SCUBE2: variants seen among roughly 807,000 people sequenced by gnomAD.
SCUBE2 encodes the protein signal peptide, CUB domain and EGF like domain containing 2.
A neutral mutation model predicts 125.9 loss-of-function variants in SCUBE2; 114 were observed. That is an observed-to-expected ratio of 0.91 (90% CI 0.78 to 1.06). The LOEUF (loss-of-function observed/expected upper bound fraction) is 1.06, where lower values mean the gene tolerates loss of function less well. Among genes scored for constraint, SCUBE2 ranks in the 50% least tolerant of loss-of-function variants. The pLI is 0.00. For synonymous variants in SCUBE2, 459 were observed against 492.9 expected (o/e 0.93, Z 0.91); for missense variants, 1,255 against 1,301.8 (o/e 0.96, Z 0.55).
At chr11:9,023,358 T>C (rs1458814275) in intron 21 of SCUBE2, among the ~76,000 whole-genome samples, 1 of 152,184 alleles carries the variant, frequency 6.6e-6, no homozygotes, top group East Asian at 1.9e-4. Context: ...TCCATTAGTG[T>C]GGTGTCTTTC....
intron 20 of SCUBE2, chr11:9,026,063 A>G (rs1855726828): frequency 1.9e-6 from 1 of 518,940 alleles, no homozygotes; most frequent in Non-Finnish European, 3.4e-6. Context: ...CTACACCTGA[A>G]AGACCTGGGG....
Position 9,031,628 on chromosome 11 carries a change from T to TAA in SCUBE2, c.2174-705_2174-704dup, listed in dbSNP as rs199504434. Among the ~76,000 whole-genome samples, 3 of 140,964 alleles carry TAA rather than the reference T, an allele frequency of 2.1e-5. No homozygotes were observed. In the East Asian group the frequency reaches 6.1e-4, roughly 28 times the overall value. 92.5% of individuals were successfully genotyped at this position (140,964 alleles called of 152,430 possible). ...GGGTGATCCAGAAAGACCTTGTCTCTAAAAAAAAAAAAGAGTGACCCAAAG... is the reference window on the plus strand; with the variant it reads ...GGGTGATCCAGAAAGACCTTGTCTCTAAAAAAAAAAAAAAGAGTGACCCAAAG... On this transcript the variant is annotated intron_variant, in intron 17 of 22. Transcript: ENST00000649792.
intron 3 of SCUBE2, among the ~76,000 whole-genome samples, chr11:9,075,427 G>C (rs147696060): frequency 7.6e-4 from 115 of 152,302 alleles, no homozygotes; most frequent in African/African-American, 2.7e-3. Context: ...AGGTGGAAGA[G>C]AGCGTAAGCA....
At chr11:9,029,655 C>A (rs1349391753) in intron 19 of SCUBE2, among the ~76,000 whole-genome samples, 1 of 152,232 alleles carries the variant, frequency 6.6e-6, no homozygotes, top group Non-Finnish European at 1.5e-5. Flanking sequence ...GCAAGTACAG[C>A]TTGTAAGTGT....
intron 4 of SCUBE2, among the ~76,000 whole-genome samples, chr11:9,071,255 A>T (rs981701470): frequency 2.6e-5 from 4 of 152,254 alleles, no homozygotes; most frequent in African/African-American, 4.8e-5. Context: ...CACTCTGTTT[A>T]CAAGACTGTT....
chr11:9,023,439 T>C (rs920220015), intron 21 of SCUBE2, among the ~76,000 whole-genome samples: 1 of 152,212 alleles, frequency 6.6e-6, no homozygotes, highest in Non-Finnish European at 1.5e-5. Flanking sequence ...CGGCAGTATC[T>C]CTCCTCTTTT....
chr11:9,029,770 T>A (rs982215816), intron 19 of SCUBE2, 114 bp downstream of exon 19: 3 of 1,148,200 alleles, frequency 2.6e-6, no homozygotes, highest in Non-Finnish European at 3.9e-6. Flanking sequence ...GCTCATAACA[T>A]CTACATGGTT....
At chr11:9,051,192 A>G (rs1369844223) in intron 13 of SCUBE2, among the ~76,000 whole-genome samples, 1 of 131,596 alleles carries the variant, frequency 7.6e-6, no homozygotes, top group South Asian at 2.7e-4. Context: ...TTATCTATCT[A>G]TCTATCTATC....
chr11:9,085,989 C>T (rs914637177), intron 2 of SCUBE2, among the ~76,000 whole-genome samples: 4 of 152,028 alleles, frequency 2.6e-5, no homozygotes, highest in Non-Finnish European at 4.4e-5. Context: ...CGCACCACTA[C>T]ACCCAGCTAA....
chr11:9,046,644 C>T (rs547292910), intron 16 of SCUBE2, among the ~76,000 whole-genome samples: 4 of 152,130 alleles, frequency 2.6e-5, no homozygotes, highest in Admixed American at 6.5e-5. Context: ...TATTTTAGTA[C>T]GGAAACTGGA....
chr11:9,061,813 G>C (rs139817104), intron 7 of SCUBE2, among the ~76,000 whole-genome samples: 1 of 152,286 alleles, frequency 6.6e-6, no homozygotes, highest in African/African-American at 2.4e-5. Context: ...GTAGAAGAAA[G>C]CTAGATCCTA....
intron 10 of SCUBE2, 118 bp downstream of exon 10, chr11:9,055,675 G>T: frequency 1.3e-6 from 1 of 742,246 alleles, no homozygotes. Flanking sequence ...CTATTGCTCA[G>T]GGACTGCAAT....
intron 5 of SCUBE2, among the ~76,000 whole-genome samples, chr11:9,068,614 T>A (rs969738819): frequency 6.6e-6 from 1 of 152,166 alleles, no homozygotes; most frequent in African/African-American, 2.4e-5. Context: ...AGGCTTCTGA[T>A]AGCAGAGGAT....
rs765398063 is a variant in SCUBE2, at chr11:9,079,512, G to A, written c.257-3C>T. ...CTCATTTCCACATTCATCGATGTCT[G>A]AGGAATAAAACAGAAGTAAACCAGA... On this transcript the variant is annotated splice_region_variant and splice_polypyrimidine_tract_variant and intron_variant, in intron 2 of 22. Coordinates refer to ENST00000649792, the MANE Select transcript of SCUBE2 (RefSeq NM_001367977.2). 2 of 1,613,402 alleles carry A rather than the reference G, an allele frequency of 1.2e-6. No individual in the cohort carries two copies. The highest frequency in any genetic ancestry group is 3.3e-5 in the Admixed American group (2 of 59,978).
chr11:9,047,337 AATG>A lies in SCUBE2; in HGVS notation c.2002+16_2002+18del, dbSNP rs747788024. 1 of 1,613,456 alleles carries A rather than the reference AATG, an allele frequency of 6.2e-7. No individual in the cohort carries two copies. The highest frequency in any genetic ancestry group is 8.5e-7 in the Non-Finnish European group (1 of 1,179,428). ...AGCCCAAGGCTGTTCTGTTAGCAAGAATGTCCCAGGCCACTCACCACATTGGTT... is the reference window on the plus strand; with the variant it reads ...AGCCCAAGGCTGTTCTGTTAGCAAGATCCCAGGCCACTCACCACATTGGTT... On this transcript the variant is annotated intron_variant, in intron 16 of 22. Coordinates refer to ENST00000649792, the MANE Select transcript of SCUBE2 (RefSeq NM_001367977.2).
intron 3 of SCUBE2, among the ~76,000 whole-genome samples, chr11:9,075,070 G>T (rs969593972): frequency 1.3e-5 from 2 of 152,002 alleles, no homozygotes; most frequent in Non-Finnish European, 2.9e-5. Context: ...ACAAAAATCA[G>T]CTAGGCATGG....
chr11:9,068,309 T>A (rs1860452764), intron 5 of SCUBE2, among the ~76,000 whole-genome samples: 1 of 152,160 alleles, frequency 6.6e-6, no homozygotes. Flanking sequence ...GAATTGCCAG[T>A]GGTTTCCTGT....
chr11:9,074,861 ATCT>A (rs1206282346), intron 3 of SCUBE2, among the ~76,000 whole-genome samples: 1 of 152,186 alleles, frequency 6.6e-6, no homozygotes, highest in Non-Finnish European at 1.5e-5. Flanking sequence ...TTTGTTGAAC[ATCT>A]TCTCTTTCCA....
At chr11:9,040,201 G>A (rs917087510) in intron 16 of SCUBE2, among the ~76,000 whole-genome samples, 5 of 152,102 alleles carry the variant, frequency 3.3e-5, no homozygotes, top group African/African-American at 1.2e-4. Flanking sequence ...TATACACTAG[G>A]GGTTTTCCTA....
Sources: allele counts gnomAD v4.1 joint callset (sites outside exome capture counted in the v4.1 genomes callset), GRCh38; gene constraint gnomAD v4.1.1; transcripts MANE v1.5; gene names NCBI Gene and HGNC (gene_info 2026-07-23, HGNC 2026-07-21).